VAT1L: variants seen among roughly 807,000 people sequenced by gnomAD.
VAT1L encodes the protein putative NADPH-dependent quinone oxidoreductase VAT1L.
In VAT1L, 34 loss-of-function variants were observed where a neutral mutation model predicts 44.1. That is an observed-to-expected ratio of 0.77 (90% CI 0.59 to 1.03). The LOEUF is 1.03. VAT1L is among the 50% of genes least tolerant of loss of function. The pLI is 0.00. For synonymous variants in VAT1L, 253 were observed against 202.2 expected, an observed-to-expected ratio of 1.25 and a Z score of -2.13; for missense variants, 615 against 538.8, an observed-to-expected ratio of 1.14 and a Z score of -1.40.
intron 6 of VAT1L, among the ~76,000 whole-genome samples, chr16:77,881,241 C>T (rs540582748): frequency 5.9e-5 from 9 of 152,186 alleles, no homozygotes; most frequent in Non-Finnish European, 1.0e-4. Context: ...GCCAGTGCAG[C>T]GTCAATTGAT....
chr16:77,824,295 A>C (rs980735223), intron 2 of VAT1L, among the ~76,000 whole-genome samples: 2 of 152,138 alleles, frequency 1.3e-5, no homozygotes, highest in Non-Finnish European at 2.9e-5. Flanking sequence ...TTCTCAACTA[A>C]CCAACTTAGC....
intron 7 of VAT1L, among the ~76,000 whole-genome samples, chr16:77,935,610 G>A (rs1429068): frequency 0.065 from 9,848 of 151,756 alleles, 393 homozygotes; most frequent in South Asian, 0.12. Context: ...GGACAGAGAC[G>A]GAGAGGGATG....
chr16:77,914,324 G>A lies in VAT1L; in HGVS notation c.1077+29522G>A, dbSNP rs561115876. 2.0e-4 allele frequency among the ~76,000 whole-genome samples: 31 copies of A among 152,264 alleles called. No homozygotes were observed. In the South Asian group the frequency reaches 4.1e-3, roughly 20 times the overall value. On this transcript the variant is annotated intron_variant, in intron 7 of 8. Coordinates refer to ENST00000302536, the MANE Select transcript of VAT1L (RefSeq NM_020927.3). ...GCTATCTATGCTTTTGAGGTTGTAT[G>A]CATTCATTGTACCTGTATGGTGGAG...
intron 2 of VAT1L, among the ~76,000 whole-genome samples, chr16:77,824,777 T>G (rs1372345258): frequency 1.3e-5 from 2 of 148,324 alleles, no homozygotes; most frequent in Non-Finnish European, 3.0e-5. Flanking sequence ...AAAATGATTG[T>G]GATACTAAAA....
At chr16:77,863,015 A>C in intron 4 of VAT1L, 125 bp downstream of exon 4, 2 of 1,227,184 alleles carry the variant, frequency 1.6e-6, no homozygotes, top group Admixed American at 2.5e-5. Context: ...GCTTAGTATT[A>C]TTAGCTCTGT....
intron 3 of VAT1L, among the ~76,000 whole-genome samples, chr16:77,838,400 G>C (rs1319642847): frequency 6.6e-6 from 1 of 152,150 alleles, no homozygotes; most frequent in African/African-American, 2.4e-5. Context: ...CCAGGATGTT[G>C]GCCCTGGCCC....
At chr16:77,938,820 T>A (rs1479352185) in intron 7 of VAT1L, among the ~76,000 whole-genome samples, 1 of 151,960 alleles carries the variant, frequency 6.6e-6, no homozygotes, top group Non-Finnish European at 1.5e-5. Context: ...AATAGGTGAG[T>A]GAGGAAAGAA....
chr16:77,884,571 T>C lies in VAT1L; in HGVS notation c.883-37T>C. 5 of 1,595,820 alleles carry C rather than the reference T, an allele frequency of 3.1e-6. No individual in the cohort carries two copies. The highest frequency in any genetic ancestry group is 4.3e-6 in the Non-Finnish European group (5 of 1,170,686). The stretch of plus-strand genomic sequence containing the variant: ...TGCCAATGTAGGCTTAACCCCGGTA[T>C]TGAGTTCCTATAACCCAATACCACC... On this transcript the variant is annotated intron_variant, in intron 6 of 8. Transcript: ENST00000302536. This position sits in a 1 kb window ranked among gnomAD's most constrained non-coding sequence, Gnocchi z 4.5.
At chr16:77,876,046 T>C (rs757882662) in intron 4 of VAT1L, among the ~76,000 whole-genome samples, 2 of 152,210 alleles carry the variant, frequency 1.3e-5, no homozygotes, top group Non-Finnish European at 2.9e-5. Context: ...TTACGAAGGA[T>C]AAAGCTGAAG....
At chr16:77,901,984 A>C (rs1361797582) in intron 7 of VAT1L, among the ~76,000 whole-genome samples, 2 of 152,252 alleles carry the variant, frequency 1.3e-5, no homozygotes, top group African/African-American at 4.8e-5. Flanking sequence ...CCAGTTTTTC[A>C]GCCCAAAGTC....
chr16:77,792,578 C>T (rs2015854409), intron 1 of VAT1L, among the ~76,000 whole-genome samples: 1 of 151,988 alleles, frequency 6.6e-6, no homozygotes, highest in African/African-American at 2.4e-5. Context: ...CTGTGAGCTA[C>T]TTTCTAAGTG....
chr16:77,946,279 C>CTTTTTTTTGTTTTTTTTTT (rs2017963874), intron 7 of VAT1L, among the ~76,000 whole-genome samples: 2 of 70,428 alleles, frequency 2.8e-5, no homozygotes. Context: ...GTTACTTGTT[C>CTTTTTTTTGTTTTTTTTTT]TTTTTTTTTT....
At chr16:77,921,336 T>G (rs1444159869) in intron 7 of VAT1L, among the ~76,000 whole-genome samples, 1 of 152,194 alleles carries the variant, frequency 6.6e-6, no homozygotes, top group Non-Finnish European at 1.5e-5. Context: ...TGAGACGTGT[T>G]GCATTAAGAA....
At chr16:77,927,418 T>G (rs1300843651) in intron 7 of VAT1L, among the ~76,000 whole-genome samples, 1 of 151,056 alleles carries the variant, frequency 6.6e-6, no homozygotes. Flanking sequence ...ATGAAGAAAC[T>G]GAGGCTCAGC....
chr16:77,804,513 G>T (rs11648379), intron 1 of VAT1L, among the ~76,000 whole-genome samples: 11,274 of 152,150 alleles, frequency 0.074, 745 homozygotes, highest in African/African-American at 0.16. Context: ...TGATCTGAAT[G>T]TATTTCTTTT....
chr16:77,880,591 ATTTTTTTTTTTT>A (rs55995217), intron 6 of VAT1L, among the ~76,000 whole-genome samples: 1 of 54,260 alleles, frequency 1.8e-5, no homozygotes. Flanking sequence ...GTTCCAGGGT[ATTTTTTTTTTTT>A]TTTTTTTTTT....
intron 1 of VAT1L, among the ~76,000 whole-genome samples, chr16:77,815,302 T>C (rs927184735): frequency 6.6e-6 from 1 of 152,236 alleles, no homozygotes; most frequent in Non-Finnish European, 1.5e-5. Context: ...TGGCAGCACA[T>C]ATTTTTGAAT....
At chr16:77,896,007 C>G (rs917017809) in intron 7 of VAT1L, among the ~76,000 whole-genome samples, 1 of 152,166 alleles carries the variant, frequency 6.6e-6, no homozygotes, top group South Asian at 2.1e-4. Flanking sequence ...GAGGTTGGCA[C>G]ATTCAAGGAC....
chr16:77,971,206 A>T (rs1308279241), intron 7 of VAT1L, among the ~76,000 whole-genome samples: 1 of 152,140 alleles, frequency 6.6e-6, no homozygotes, highest in East Asian at 1.9e-4. Flanking sequence ...CAAAAGGCAA[A>T]TTGGATTCTG....
Sources: allele counts gnomAD v4.1 joint callset (sites outside exome capture counted in the v4.1 genomes callset), GRCh38; gene constraint gnomAD v4.1.1; non-coding constraint Gnocchi (gnomAD v3.1); transcripts MANE v1.5; gene names NCBI Gene and HGNC (gene_info 2026-07-23, HGNC 2026-07-21).